SMAP2: variants seen among roughly 807,000 people sequenced by gnomAD.
SMAP2 encodes the protein stromal membrane-associated protein 2.
In SMAP2, 25 loss-of-function variants were observed where a neutral mutation model predicts 56.4. The ratio of observed to expected loss-of-function variants is 0.44; its 90% CI spans 0.32 to 0.62. The LOEUF (loss-of-function observed/expected upper bound fraction) is 0.62. SMAP2 is among the 20% of genes least tolerant of loss of function. The pLI is 0.04. For synonymous variants in SMAP2, 157 were observed against 181.7 expected (o/e 0.86, Z 1.09); for missense variants, 388 against 545.6 (o/e 0.71, Z 2.88).
chr1:40,397,913 G>C (rs575317351), intron 1 of SMAP2, among the ~76,000 whole-genome samples: 186 of 152,226 alleles, frequency 1.2e-3, no homozygotes, highest in African/African-American at 4.3e-3. Flanking sequence ...AAAGAGATTT[G>C]AGTGTGCTGC....
chr1:40,395,541 T>TAAA (rs957396151), intron 1 of SMAP2, among the ~76,000 whole-genome samples: 2 of 119,386 alleles, frequency 1.7e-5, no homozygotes, highest in East Asian at 2.6e-4. Flanking sequence ...ATAATAATAA[T>TAAA]AAAACAGGGC....
intron 1 of SMAP2, among the ~76,000 whole-genome samples, chr1:40,353,894 A>G (rs1206649634): frequency 6.6e-6 from 1 of 151,734 alleles, no homozygotes; most frequent in Non-Finnish European, 1.5e-5. Flanking sequence ...CCTGGCCAGA[A>G]TGTGCATTTC....
intron 1 of SMAP2, among the ~76,000 whole-genome samples, chr1:40,392,750 G>A (rs1569871253): frequency 6.6e-6 from 1 of 152,032 alleles, no homozygotes; most frequent in African/African-American, 2.4e-5. Context: ...TCTGTAATAA[G>A]CAATCTAAAA....
At chr1:40,412,153 T>A (rs988229864) in intron 4 of SMAP2, among the ~76,000 whole-genome samples, 2 of 152,240 alleles carry the variant, frequency 1.3e-5, no homozygotes, top group Non-Finnish European at 2.9e-5. Context: ...TGGGGTGAAC[T>A]TGGTGCATTT....
chr1:40,359,212 C>T (rs1644449141), intron 1 of SMAP2, among the ~76,000 whole-genome samples: 1 of 152,202 alleles, frequency 6.6e-6, no homozygotes, highest in African/African-American at 2.4e-5. Context: ...CAGCAATTCT[C>T]CTGCCTCAGC....
intron 1 of SMAP2, chr1:40,396,782 A>ATGTT: frequency 1.1e-6 from 1 of 919,968 alleles, no homozygotes; most frequent in Non-Finnish European, 1.3e-6. Context: ...AGAGGTAAAC[A>ATGTT]TACCTCTCAG....
rs1373765984 is a variant in SMAP2, at chr1:40,413,036, GAA to G, written c.426_427del (p.Gly144GlufsTer15). 6.2e-7 allele frequency: 1 copy of G among 1,612,594 alleles called. No homozygotes were observed. The highest frequency in any genetic ancestry group is 1.1e-5 in the South Asian group (1 of 90,918). On this transcript the variant is annotated frameshift_variant, in exon 5 of 10. Coordinates refer to ENST00000372718, the MANE Select transcript of SMAP2 (RefSeq NM_022733.3). LOFTEE classifies it high-confidence loss of function. ...TATAGAAAGAAAAAGATGACAAGTG[GAA>G]AAGAGGGAGCGAACCAGTTCCAGAA... is the stretch of plus-strand genomic sequence containing the variant. ...AFRKEKDDKW[K>X]RGSEPVPEKK...
At chr1:40,346,995 G>A (rs1372275838) in intron 1 of SMAP2, among the ~76,000 whole-genome samples, 3 of 151,564 alleles carry the variant, frequency 2.0e-5, no homozygotes, top group South Asian at 4.2e-4. Flanking sequence ...GACTACAGGC[G>A]TGAGCCACTT....
intron 1 of SMAP2, among the ~76,000 whole-genome samples, chr1:40,355,232 G>C (rs941859648): frequency 6.6e-6 from 1 of 152,090 alleles, no homozygotes; most frequent in African/African-American, 2.4e-5. Flanking sequence ...GCACTCTTCC[G>C]GCCTCTACTC....
chr1:40,399,889 G>A (rs1162561554), intron 1 of SMAP2, among the ~76,000 whole-genome samples: 1 of 152,194 alleles, frequency 6.6e-6, no homozygotes, highest in Admixed American at 6.5e-5. Flanking sequence ...CAGTGGGTGG[G>A]AGTATAGCTG....
At chr1:40,416,630 G>T in intron 8 of SMAP2, 150 bp from the exon 9 acceptor site, 3 of 879,190 alleles carry the variant, frequency 3.4e-6, no homozygotes, top group Non-Finnish European at 5.2e-6. Context: ...AGCAGGCCTC[G>T]TAGGGACTCT....
intron 6 of SMAP2, among the ~76,000 whole-genome samples, chr1:40,415,058 T>G (rs1335099927): frequency 2.0e-5 from 3 of 152,226 alleles, no homozygotes; most frequent in Non-Finnish European, 4.4e-5. Flanking sequence ...TCTGCTGCCC[T>G]GTGCCTGATA....
At chr1:40,393,658 G>T (rs1453984834) in intron 1 of SMAP2, among the ~76,000 whole-genome samples, 3 of 146,622 alleles carry the variant, frequency 2.0e-5, no homozygotes, top group Non-Finnish European at 4.5e-5. Context: ...CGATTCCCCT[G>T]CCTCAGCCTC....
In SMAP2 at chr1:40,385,434, T is replaced by G. The variant is rs1218554103; in HGVS notation, c.103+11211T>G. ...AAAATACTTTTTTAAAAAAAACATTTCAGGTCAAAGCTTCCAAAAAGAAAT... is the reference window on the plus strand; with the variant it reads ...AAAATACTTTTTTAAAAAAAACATTGCAGGTCAAAGCTTCCAAAAAGAAAT... On this transcript the variant is annotated intron_variant, in intron 1 of 9. Transcript: ENST00000372718. The surrounding 1 kb of genome is among the most constrained non-coding windows in gnomAD (Gnocchi z 4.5). Among the ~76,000 whole-genome samples, 4 of 152,186 alleles carry G rather than the reference T, an allele frequency of 2.6e-5. No homozygotes were observed. The highest frequency in any genetic ancestry group is 9.7e-5 in the African/African-American group (4 of 41,448).
intron 1 of SMAP2, among the ~76,000 whole-genome samples, chr1:40,349,283 G>A (rs1025833322): frequency 3.9e-5 from 6 of 152,088 alleles, no homozygotes; most frequent in Admixed American, 1.3e-4. Context: ...CAATAATAAC[G>A]AAGGTACCCC....
At chr1:40,396,037 T>C (rs964669303) in intron 1 of SMAP2, among the ~76,000 whole-genome samples, 3 of 152,226 alleles carry the variant, frequency 2.0e-5, no homozygotes, top group African/African-American at 7.2e-5. Context: ...AATTGCTATG[T>C]CTGTTCTATC....
intron 1 of SMAP2, among the ~76,000 whole-genome samples, chr1:40,360,150 G>A (rs1356615014): frequency 6.7e-6 from 1 of 149,344 alleles, no homozygotes; most frequent in Admixed American, 6.7e-5. Context: ...GGGACTACAG[G>A]TGCCCACCAC....
At position 40,415,305 on chromosome 1, in the gene SMAP2, A is replaced by G. The variant is rs1199791916; in HGVS notation, c.605A>G (p.Lys202Arg). The G allele has an allele frequency of 1.2e-6, 2 of 1,613,972 alleles. No homozygotes were observed. The highest frequency in any genetic ancestry group is 1.7e-6 in the Non-Finnish European group (2 of 1,179,846). ...APVACSIANSKTSNTLEKDLD... is the reference protein window; with the variant it reads ...APVACSIANSRTSNTLEKDLD... Reference sequence around the variant, plus strand: ...GTGGCCTGCTCCATTGCAAATAGTAAGACCAGCAATACCCTAGAGAAGGAT... The same window carrying G: ...GTGGCCTGCTCCATTGCAAATAGTAGGACCAGCAATACCCTAGAGAAGGAT... The change falls in exon 7 of 10, where the codon AAG (lysine) becomes AGG (arginine). Residue 202 changes from lysine to arginine, a missense_variant. Coordinates refer to ENST00000372718, the MANE Select transcript of SMAP2 (RefSeq NM_022733.3).
chr1:40,380,496 C>G (rs1644586463), intron 1 of SMAP2, among the ~76,000 whole-genome samples: 1 of 149,008 alleles, frequency 6.7e-6, no homozygotes, highest in Non-Finnish European at 1.5e-5. Context: ...ACTTTCCTAT[C>G]AATTTAAAAT....
Sources: allele counts gnomAD v4.1 joint callset (sites outside exome capture counted in the v4.1 genomes callset), GRCh38; gene constraint gnomAD v4.1.1; non-coding constraint Gnocchi (gnomAD v3.1); transcripts MANE v1.5; gene names NCBI Gene and HGNC (gene_info 2026-07-23, HGNC 2026-07-21).